SHANK2: variants seen among roughly 807,000 people sequenced by gnomAD.
SHANK2 encodes SH3 and multiple ankyrin repeat domains protein 2.
In SHANK2, 43 loss-of-function variants were observed where a neutral mutation model predicts 133.7. The observed-to-expected ratio is 0.32, with a 90% CI of 0.25 to 0.41. SHANK2 has a LOEUF of 0.41. SHANK2 is among the 10% of genes least tolerant of loss of function. SHANK2 has a pLI of 1.00. For synonymous variants in SHANK2, 1,017 were observed against 952.8 expected, an observed-to-expected ratio of 1.07 and a Z score of -1.24; for missense variants, 1,994 against 2,235.8, an observed-to-expected ratio of 0.89 and a Z score of 2.18.
intron 2 of SHANK2, among the ~76,000 whole-genome samples, chr11:71,208,806 G>A (rs1232603459): frequency 6.6e-6 from 1 of 152,124 alleles, no homozygotes; most frequent in Non-Finnish European, 1.5e-5. Flanking sequence ...AGACAGAAGT[G>A]CTCAATAAAT....
intron 11 of SHANK2, among the ~76,000 whole-genome samples, chr11:70,876,048 T>G (rs1949555346): frequency 6.6e-6 from 1 of 151,450 alleles, no homozygotes; most frequent in Non-Finnish European, 1.5e-5. Flanking sequence ...CCCAGCTACT[T>G]GGGAGGCTGA....
intron 8 of SHANK2, 90 bp from the exon 9 acceptor site, chr11:71,075,365 C>A: frequency 1.4e-5 from 1 of 72,672 alleles, no homozygotes; most frequent in South Asian, 5.0e-4. Context: ...TCGGCTGCTC[C>A]ACCAGAACCC....
At chr11:70,531,805 GC>G (rs2059476802) in intron 17 of SHANK2, among the ~76,000 whole-genome samples, 1 of 152,112 alleles carries the variant, frequency 6.6e-6, no homozygotes, top group Non-Finnish European at 1.5e-5. Flanking sequence ...TTGCTGGCTG[GC>G]CCCCCACTGA....
intron 17 of SHANK2, among the ~76,000 whole-genome samples, chr11:70,519,260 C>T (rs1320353565): frequency 6.6e-6 from 1 of 152,162 alleles, no homozygotes; most frequent in African/African-American, 2.4e-5. Context: ...GACTCTGAGG[C>T]ACAGTGTATG....
intron 17 of SHANK2, among the ~76,000 whole-genome samples, chr11:70,644,298 C>T (rs2061229536): frequency 6.6e-6 from 1 of 152,188 alleles, no homozygotes; most frequent in Non-Finnish European, 1.5e-5. Context: ...CAAACTGAAA[C>T]TCTGTCCCCA....
At chr11:70,745,818 T>C (rs1159521302) in intron 14 of SHANK2, among the ~76,000 whole-genome samples, 1 of 152,200 alleles carries the variant, frequency 6.6e-6, no homozygotes, top group Non-Finnish European at 1.5e-5. Flanking sequence ...TTGCTGAGGA[T>C]GCAAATGCAA....
intron 14 of SHANK2, among the ~76,000 whole-genome samples, chr11:70,710,070 C>T (rs1299077585): frequency 6.6e-6 from 1 of 152,110 alleles, no homozygotes; most frequent in Non-Finnish European, 1.5e-5. Flanking sequence ...TTTCTAGGCG[C>T]TCTCCCAGAT....
intron 12 of SHANK2, among the ~76,000 whole-genome samples, chr11:70,817,727 A>C (rs1369722489): frequency 6.6e-6 from 1 of 152,068 alleles, no homozygotes; most frequent in African/African-American, 2.4e-5. Flanking sequence ...AAAAACCTGA[A>C]GTTGGTCTTT....
intron 11 of SHANK2, among the ~76,000 whole-genome samples, chr11:70,841,986 G>A (rs1054867250): frequency 2.0e-5 from 3 of 152,008 alleles, no homozygotes; most frequent in Non-Finnish European, 4.4e-5. Flanking sequence ...TTATTCCTGG[G>A]ACCTAACTGC....
chr11:70,830,564 G>A lies in SHANK2; in HGVS notation c.1175-9882C>T, dbSNP rs1188782361. Among the ~76,000 whole-genome samples the A allele has an allele frequency of 6.6e-6, 1 of 152,214 alleles. No homozygotes were observed. The highest frequency in any genetic ancestry group is 1.5e-5 in the Non-Finnish European group (1 of 68,034). On this transcript the variant is annotated intron_variant, in intron 11 of 25. Transcript: ENST00000601538. This position sits in a 1 kb window ranked among gnomAD's most constrained non-coding sequence, Gnocchi z 4.4. The stretch of plus-strand genomic sequence containing the variant: ...GGTGCACAGCCTCCCGCAGAACTCC[G>A]GGAATTCGCTAGCGCCCTTCCCATC...
At position 71,206,950 on chromosome 11, in the gene SHANK2, G is replaced by A. The variant is rs1954138345; in HGVS notation, c.-13+17747C>T. Among the ~76,000 whole-genome samples the A allele has an allele frequency of 2.0e-5, 3 of 152,162 alleles. No homozygotes were observed. In the South Asian group the frequency reaches 6.2e-4, roughly 32 times the overall value. ...GTAAAAAAAAGATTAGCCAGGCATG[G>A]TTGTGCATGCCTGTAGTCCCAGCTC... On this transcript the variant is annotated intron_variant, in intron 2 of 25. Transcript: ENST00000601538.
intron 11 of SHANK2, among the ~76,000 whole-genome samples, chr11:70,887,090 C>T (rs1402655764): frequency 6.6e-6 from 1 of 152,162 alleles, no homozygotes; most frequent in African/African-American, 2.4e-5. Flanking sequence ...CAGTCCAAAG[C>T]TTATCAGCTG....
intron 2 of SHANK2, among the ~76,000 whole-genome samples, chr11:71,190,043 GCAAGGAAGCCC>G (rs2135576692): frequency 6.6e-6 from 1 of 152,310 alleles, no homozygotes; most frequent in South Asian, 2.1e-4. Flanking sequence ...GCCCTTATCT[GCAAGGAAGCCC>G]CAAGTCATCC....
chr11:70,653,274 G>A (rs2061360139), intron 17 of SHANK2, among the ~76,000 whole-genome samples: 1 of 152,044 alleles, frequency 6.6e-6, no homozygotes, highest in African/African-American at 2.4e-5. Context: ...CACCCGGCCT[G>A]GACTTCATTT....
In SHANK2 at chr11:71,096,086, G is replaced by T. The variant is rs922154212; in HGVS notation, c.593-1398C>A. 1.7e-4 allele frequency among the ~76,000 whole-genome samples: 26 copies of T among 150,206 alleles called. 1 individual carries two copies. Among genetic ancestry groups the T allele is most frequent in the Admixed American group, 4.8e-4 (7 of 14,640 alleles). ...TCCTGTCTTCCCCAACTAGGATGCC[G>T]TGCGTAGACATGCCAGCATCTTCAT... On this transcript the variant is annotated intron_variant, in intron 6 of 25. Coordinates refer to ENST00000601538, the MANE Select transcript of SHANK2 (RefSeq NM_012309.5).
intron 17 of SHANK2, among the ~76,000 whole-genome samples, chr11:70,546,423 A>C (rs61885891): frequency 0.023 from 3,501 of 152,238 alleles, 58 homozygotes; most frequent in Non-Finnish European, 0.032. Context: ...GTATCATCTC[A>C]TTAACATATA....
At chr11:71,164,521 G>C (rs1265459083) in intron 2 of SHANK2, among the ~76,000 whole-genome samples, 6 of 152,140 alleles carry the variant, frequency 3.9e-5, no homozygotes, top group Non-Finnish European at 8.8e-5. Context: ...ATTCACAATG[G>C]GGCCTCATGA....
intron 10 of SHANK2, among the ~76,000 whole-genome samples, chr11:70,928,163 T>C (rs1230413388): frequency 1.3e-5 from 2 of 152,156 alleles, no homozygotes; most frequent in Non-Finnish European, 2.9e-5. Flanking sequence ...CACCACAAAC[T>C]GCATGCCCTG....
At chr11:70,689,725 CAAG>C (rs1362683032) in intron 15 of SHANK2, among the ~76,000 whole-genome samples, 5 of 152,102 alleles carry the variant, frequency 3.3e-5, no homozygotes, top group African/African-American at 1.2e-4. Context: ...GGACCATCAC[CAAG>C]AAGACAAAAC....
Sources: allele counts gnomAD v4.1 joint callset (sites outside exome capture counted in the v4.1 genomes callset), GRCh38; gene constraint gnomAD v4.1.1; non-coding constraint Gnocchi (gnomAD v3.1); transcripts MANE v1.5; gene names NCBI Gene and HGNC (gene_info 2026-07-23, HGNC 2026-07-21).